The following NKAIN2 variants were observed in gnomAD, a reference collection of about 807,000 sequenced individuals.
The protein encoded by NKAIN2 is sodium/potassium transporting ATPase interacting 2.
Under a neutral mutation model 32.6 loss-of-function variants are expected in NKAIN2, and 14 were observed. The ratio of observed to expected loss-of-function variants is 0.43; its 90% confidence interval spans 0.28 to 0.67. NKAIN2 has a LOEUF of 0.67. NKAIN2 is among the 30% of genes least tolerant of loss of function. The pLI, the probability that NKAIN2 is intolerant of heterozygous loss-of-function variation, is 0.17. For synonymous variants in NKAIN2, 80 were observed against 87.2 expected (o/e 0.92, Z 0.46); for missense variants, 198 against 258.3 (o/e 0.77, Z 1.60).
intron 1 of NKAIN2, among the ~76,000 whole-genome samples, chr6:124,176,223 T>C (rs1369239424): frequency 6.6e-6 from 1 of 152,212 alleles, no homozygotes; most frequent in South Asian, 2.1e-4. Context: ...AGTGAGCACA[T>C]GCTGTTGGAA....
chr6:124,349,902 T>G (rs1228826861), intron 2 of NKAIN2, among the ~76,000 whole-genome samples: 5 of 152,270 alleles, frequency 3.3e-5, no homozygotes, highest in African/African-American at 1.2e-4. Context: ...ATTCTCAAGT[T>G]AAGTTAATCT....
At chr6:124,716,430 A>G (rs544804702) in intron 4 of NKAIN2, among the ~76,000 whole-genome samples, 2 of 152,202 alleles carry the variant, frequency 1.3e-5, no homozygotes, top group Admixed American at 1.3e-4. Flanking sequence ...GTCTGAGAAT[A>G]TCAGTTGAGA....
At chr6:124,634,540 G>A (rs1292006114) in intron 3 of NKAIN2, among the ~76,000 whole-genome samples, 2 of 151,940 alleles carry the variant, frequency 1.3e-5, no homozygotes, top group East Asian at 1.9e-4. Context: ...TTTGAAATAA[G>A]CCAGTCACAC....
At chr6:124,787,431 T>C (rs1279258234) in intron 4 of NKAIN2, among the ~76,000 whole-genome samples, 1 of 151,900 alleles carries the variant, frequency 6.6e-6, no homozygotes, top group African/African-American at 2.4e-5. Flanking sequence ...CAAAAACAAA[T>C]GCAAAAAAAG....
At chr6:124,194,712 T>C (rs1239166708) in intron 1 of NKAIN2, among the ~76,000 whole-genome samples, 1 of 152,180 alleles carries the variant, frequency 6.6e-6, no homozygotes, top group Admixed American at 6.5e-5. Context: ...TTTCTGCATA[T>C]AGTATTACTA....
intron 1 of NKAIN2, among the ~76,000 whole-genome samples, chr6:123,948,289 G>A (rs903260968): frequency 6.6e-6 from 1 of 152,042 alleles, no homozygotes; most frequent in African/African-American, 2.4e-5. Context: ...AAATGAAGTA[G>A]TGGGATAGCT....
intron 1 of NKAIN2, among the ~76,000 whole-genome samples, chr6:124,010,208 T>C (rs1780262821): frequency 2.6e-5 from 4 of 152,236 alleles, no homozygotes; most frequent in Admixed American, 1.3e-4. Context: ...GAATTGAAGA[T>C]ATCAAAGGGA....
At chr6:123,917,323 G>A (rs1775547225) in intron 1 of NKAIN2, among the ~76,000 whole-genome samples, 1 of 151,860 alleles carries the variant, frequency 6.6e-6, no homozygotes, top group Non-Finnish European at 1.5e-5. Flanking sequence ...TGTAATGCTT[G>A]CATCTTCTCT....
chr6:124,147,736 G>A (rs991159225), intron 1 of NKAIN2, among the ~76,000 whole-genome samples: 11 of 152,120 alleles, frequency 7.2e-5, no homozygotes, highest in South Asian at 2.1e-4. Flanking sequence ...GTTTGCTGTG[G>A]AAGCTTGTTC....
At chr6:124,482,968 A>C (rs1337542689) in intron 3 of NKAIN2, among the ~76,000 whole-genome samples, 3 of 152,106 alleles carry the variant, frequency 2.0e-5, no homozygotes, top group Admixed American at 2.0e-4. Context: ...TAAAAATACC[A>C]AAAATTAGCC....
chr6:123,817,475 T>A (rs1004693440), intron 1 of NKAIN2, among the ~76,000 whole-genome samples: 20 of 151,670 alleles, frequency 1.3e-4, no homozygotes, highest in African/African-American at 4.8e-4. Flanking sequence ...TCAGAAAGAG[T>A]TTGAATTGTC....
rs540245646 is a variant in NKAIN2, at chr6:124,307,171, A to G, written c.192+24029A>G. On this transcript the variant is annotated intron_variant, in intron 2 of 6. Coordinates refer to ENST00000368417, the MANE Select transcript of NKAIN2 (RefSeq NM_001040214.3). ...CAATATGAATGAAATTATTTCTCTG[A>G]TAAAAAATTATATATGGGATAGGCT... Among the ~76,000 whole-genome samples, 7 of 152,146 alleles carry G rather than the reference A, an allele frequency of 4.6e-5. 1 individual carries two copies. Among genetic ancestry groups the G allele is most frequent in the African/African-American group, 7.2e-5 (3 of 41,448 alleles).
intron 1 of NKAIN2, among the ~76,000 whole-genome samples, chr6:124,035,362 T>C (rs2114796563): frequency 6.6e-6 from 1 of 152,220 alleles, no homozygotes; most frequent in African/African-American, 2.4e-5. Flanking sequence ...AATACCTTTT[T>C]CCTCAGCCTG....
At chr6:123,974,604 T>A (rs1360508007) in intron 1 of NKAIN2, among the ~76,000 whole-genome samples, 1 of 152,060 alleles carries the variant, frequency 6.6e-6, no homozygotes, top group African/African-American at 2.4e-5. Flanking sequence ...TTGGTTTGAG[T>A]GTTCTGCTTG....
chr6:124,105,021 C>A (rs568837236), intron 1 of NKAIN2, among the ~76,000 whole-genome samples: 14 of 152,050 alleles, frequency 9.2e-5, no homozygotes, highest in Non-Finnish European at 5.9e-5. Context: ...TAATTGGATG[C>A]GGTTGTGAGG....
At chr6:123,940,065 G>C (rs1208268454) in intron 1 of NKAIN2, among the ~76,000 whole-genome samples, 2 of 151,680 alleles carry the variant, frequency 1.3e-5, no homozygotes, top group Non-Finnish European at 2.9e-5. Context: ...TGGCAGAAAG[G>C]GACATAATAG....
chr6:124,378,748 A>G (rs924322152), intron 3 of NKAIN2, among the ~76,000 whole-genome samples: 1 of 151,876 alleles, frequency 6.6e-6, no homozygotes, highest in African/African-American at 2.4e-5. Context: ...GGCAGCTGCA[A>G]TTTCCATGGT....
chr6:124,481,956 G>T (rs1030064108), intron 3 of NKAIN2, among the ~76,000 whole-genome samples: 1 of 152,036 alleles, frequency 6.6e-6, no homozygotes, highest in Non-Finnish European at 1.5e-5. Flanking sequence ...GTATGACTGT[G>T]GCAAATTTTA....
At chr6:124,243,924 G>T (rs553180114) in intron 1 of NKAIN2, among the ~76,000 whole-genome samples, 3 of 149,206 alleles carry the variant, frequency 2.0e-5, no homozygotes, top group Non-Finnish European at 4.4e-5. Flanking sequence ...TGTATATCTT[G>T]TTGTTTATAA....
Sources: gnomAD v4.1 joint callset for allele counts (sites outside exome capture counted in the v4.1 genomes callset) on GRCh38, gnomAD v4.1.1 for gene constraint, MANE v1.5 for transcripts, NCBI Gene and HGNC (gene_info 2026-07-23, HGNC 2026-07-21) for gene names.